DOP1A: variants seen among roughly 807,000 people sequenced by gnomAD.
The protein encoded by DOP1A is protein DOP1A.
Under a neutral mutation model 267.6 loss-of-function variants are expected in DOP1A, and 90 were observed. The ratio of observed to expected loss-of-function variants is 0.34; its 90% CI spans 0.28 to 0.40. The LOEUF is 0.40. DOP1A is among the 10% of genes least tolerant of loss of function. The probability of loss-of-function intolerance (pLI) is 1.00; values close to 1 mark genes in which losing one functional copy is unlikely to be tolerated. For missense variants in DOP1A, 2,437 were observed against 2,900.4 expected, an observed-to-expected ratio of 0.84 and a Z score of 3.67; for synonymous variants, 932 against 999.1, an observed-to-expected ratio of 0.93 and a Z score of 1.27.
At chr6:83,134,101 A>T in intron 18 of DOP1A, 86 bp from the exon 19 acceptor site, 4 of 1,039,304 alleles carry the variant, frequency 3.8e-6, no homozygotes, top group Non-Finnish European at 5.7e-6. Context: ...GTAATACAGT[A>T]CTCCTAAATA....
chr6:83,156,200 A>G, intron 34 of DOP1A, 97 bp downstream of exon 34: 1 of 960,978 alleles, frequency 1.0e-6, no homozygotes, highest in Non-Finnish European at 1.5e-6. Flanking sequence ...AAAATATATC[A>G]AGTGTAGATC....
rs1777034586 is a variant in DOP1A, at chr6:83,125,580, G to A, written c.1566G>A (p.Gln522=). The A allele has an allele frequency of 6.2e-7, 1 of 1,613,680 alleles. No individual in the cohort carries two copies. The highest frequency in any genetic ancestry group is 1.1e-5 in the South Asian group (1 of 91,074). The change falls in exon 15 of 39, where the codon CAG becomes CAA. Residue 522 remains glutamine (Q), a synonymous_variant. Transcript: ENST00000349129. ...TTTCTGCCTTGACAAGCCATCTCCA[G>A]ACATTGCACTTATCTGAACTCACAG... ...RMISALTSHL[Q]TLHLSELTDS...
intron 15 of DOP1A, among the ~76,000 whole-genome samples, chr6:83,128,287 G>A (rs1186702085): frequency 6.6e-6 from 1 of 152,096 alleles, no homozygotes; most frequent in Non-Finnish European, 1.5e-5. Context: ...ATATACTCCA[G>A]TTCTACTCCA....
At chr6:83,162,215 T>G (rs567680735) in intron 37 of DOP1A, among the ~76,000 whole-genome samples, 3 of 151,908 alleles carry the variant, frequency 2.0e-5, no homozygotes, top group African/African-American at 7.2e-5. Flanking sequence ...GTATGCCCAT[T>G]TATACTGTTT....
chr6:83,131,524 CA>C (rs1340567849), intron 17 of DOP1A, among the ~76,000 whole-genome samples: 1 of 152,036 alleles, frequency 6.6e-6, no homozygotes, highest in Non-Finnish European at 1.5e-5. Flanking sequence ...AATATACAAC[CA>C]TAAATATTAA....
At chr6:83,121,537 T>C (rs924171589) in intron 10 of DOP1A, among the ~76,000 whole-genome samples, 1 of 151,722 alleles carries the variant, frequency 6.6e-6, no homozygotes, top group Non-Finnish European at 1.5e-5. Flanking sequence ...TGAATACTTA[T>C]TATATTCTAG....
At position 83,125,593 on chromosome 6, in the gene DOP1A, T is replaced by A. The variant is rs144970641; in HGVS notation, c.1579T>A (p.Ser527Thr). 180 of 1,613,904 alleles carry A rather than the reference T, an allele frequency of 1.1e-4. No individual in the cohort carries two copies. The African/African-American group carries it at 2.2e-3, about 20-fold the overall frequency. ...AAGCCATCTCCAGACATTGCACTTA[T>A]CTGAACTCACAGATTCTCTCAGACT... is the stretch of plus-strand genomic sequence containing the variant. Reference protein sequence around the residue: ...LTSHLQTLHLSELTDSLRLCS... With the variant: ...LTSHLQTLHLTELTDSLRLCS... Residue 527 changes from serine to threonine, a missense_variant, in exon 15 of 39, where the codon TCT becomes ACT. By Grantham distance (58) the Ser-to-Thr change is moderately conservative (BLOSUM62 1). Coordinates refer to ENST00000349129, the MANE Select transcript of DOP1A (RefSeq NM_015018.4).
At chr6:83,165,519 T>C (rs1785263893) in intron 38 of DOP1A, 1 of 157,616 alleles carries the variant, frequency 6.3e-6, no homozygotes, top group African/African-American at 2.4e-5. Context: ...ATAGGAACCA[T>C]TACAATCAAC....
intron 28 of DOP1A, 23 bp from the exon 29 acceptor site, chr6:83,151,860 G>C: frequency 6.2e-7 from 1 of 1,611,172 alleles, no homozygotes; most frequent in Non-Finnish European, 8.5e-7. Context: ...ACCATACATA[G>C]TTGTTCTTCC....
intron 1 of DOP1A, among the ~76,000 whole-genome samples, chr6:83,094,567 C>A (rs1771098198): frequency 6.6e-6 from 1 of 152,142 alleles, no homozygotes; most frequent in Non-Finnish European, 1.5e-5. Flanking sequence ...TATTGTCTAT[C>A]TTTTTTATTG....
chr6:83,084,772 T>C (rs1582873569), intron 1 of DOP1A, among the ~76,000 whole-genome samples: 1 of 151,400 alleles, frequency 6.6e-6, no homozygotes, highest in Non-Finnish European at 1.5e-5. Flanking sequence ...TTTTTTTTTT[T>C]AGTAGAGATG....
intron 1 of DOP1A, among the ~76,000 whole-genome samples, chr6:83,096,094 A>G (rs1306802605): frequency 2.0e-5 from 3 of 152,034 alleles, no homozygotes; most frequent in Admixed American, 6.5e-5. Context: ...GAAATAACAA[A>G]GAATTTGTGG....
At chr6:83,163,790 C>A (rs1583205675) in intron 38 of DOP1A, among the ~76,000 whole-genome samples, 1 of 152,006 alleles carries the variant, frequency 6.6e-6, no homozygotes, top group East Asian at 1.9e-4. Context: ...GGCTTTATGA[C>A]TCTTTAATAT....
chr6:83,152,203 AAAAAT>A, intron 29 of DOP1A, 80 bp from the exon 30 acceptor site: 1 of 769,346 alleles, frequency 1.3e-6, no homozygotes, highest in Non-Finnish European at 1.9e-6. Context: ...ATACATATAT[AAAAAT>A]AATACACACA....
intron 6 of DOP1A, among the ~76,000 whole-genome samples, chr6:83,111,808 C>G (rs1025588858): frequency 3.4e-4 from 52 of 152,084 alleles, no homozygotes; most frequent in African/African-American, 1.2e-3. Flanking sequence ...TATTTTCCCC[C>G]ATTCTGTAGA....
intron 1 of DOP1A, among the ~76,000 whole-genome samples, chr6:83,085,114 G>T (rs1768859396): frequency 6.6e-6 from 1 of 152,156 alleles, no homozygotes; most frequent in South Asian, 2.1e-4. Flanking sequence ...GACTATACTA[G>T]TTAAGAAATA....
chr6:83,166,799 A>C (rs1196784470), intron 38 of DOP1A: 18 of 1,035,722 alleles, frequency 1.7e-5, no homozygotes, highest in Non-Finnish European at 2.0e-5. Context: ...AGTGATATTA[A>C]ATTATTAGGT....
At position 83,130,283 on chromosome 6, in the gene DOP1A, T is replaced by TG; in HGVS notation, c.2503dup (p.Val835GlyfsTer19). On this transcript the variant is annotated frameshift_variant, in exon 17 of 39. Coordinates refer to ENST00000349129, the MANE Select transcript of DOP1A (RefSeq NM_015018.4). LOFTEE classifies it high-confidence loss of function. ...TGGTCACTGGGGAAAACATCAACAG[T>TG]GTAGAGCCTGCACAACCCTTAAGTC... The TG allele has an allele frequency of 6.2e-7, 1 of 1,614,036 alleles. No individual in the cohort carries two copies. Among genetic ancestry groups the TG allele is most frequent in the Non-Finnish European group, 8.5e-7 (1 of 1,179,972 alleles).
At chr6:83,120,338 A>G (rs1250826774) in intron 9 of DOP1A, among the ~76,000 whole-genome samples, 1 of 151,974 alleles carries the variant, frequency 6.6e-6, no homozygotes, top group Non-Finnish European at 1.5e-5. Context: ...ATAATTGCCT[A>G]ATAGCAGACA....
Sources: gnomAD v4.1 joint callset for allele counts (sites outside exome capture counted in the v4.1 genomes callset) on GRCh38, gnomAD v4.1.1 for gene constraint, MANE v1.5 for transcripts, NCBI Gene and HGNC (gene_info 2026-07-23, HGNC 2026-07-21) for gene names.